Variants in GALNTL6 observed in about 807,000 individuals in gnomAD.
GALNTL6 encodes polypeptide N-acetylgalactosaminyltransferase like 6.
In GALNTL6, 46 loss-of-function variants were observed where a neutral mutation model predicts 73.7. The observed-to-expected ratio is 0.62, with a 90% CI of 0.49 to 0.80. The LOEUF is 0.80. Ranked by LOEUF, GALNTL6 falls within the 30% of genes least tolerant of loss-of-function variation. The pLI is 0.00. For missense variants in GALNTL6, 604 were observed against 755.0 expected, an observed-to-expected ratio of 0.80 and a Z score of 2.34; for synonymous variants, 259 against 263.7, an observed-to-expected ratio of 0.98 and a Z score of 0.17.
intron 3 of GALNTL6, among the ~76,000 whole-genome samples, chr4:172,294,387 A>C (rs533894098): frequency 6.6e-6 from 1 of 152,282 alleles, no homozygotes; most frequent in East Asian, 1.9e-4. Flanking sequence ...TCAGTCCATG[A>C]CATTCTGACA....
chr4:171,859,779 G>A (rs908610954), intron 2 of GALNTL6, among the ~76,000 whole-genome samples: 1 of 152,140 alleles, frequency 6.6e-6, no homozygotes, highest in Non-Finnish European at 1.5e-5. Flanking sequence ...TAAGCATGTA[G>A]TGACTGCATG....
chr4:172,132,762 T>C (rs1375786148), intron 2 of GALNTL6, among the ~76,000 whole-genome samples: 1 of 152,180 alleles, frequency 6.6e-6, no homozygotes, highest in Non-Finnish European at 1.5e-5. Flanking sequence ...TAAACATCTA[T>C]CTAAAAATGT....
intron 9 of GALNTL6, among the ~76,000 whole-genome samples, chr4:172,934,059 T>C (rs1748485454): frequency 6.6e-6 from 1 of 152,210 alleles, no homozygotes; most frequent in Admixed American, 6.5e-5. Flanking sequence ...TCTATTTACC[T>C]GGCATTAGAA....
At chr4:172,417,976 C>T (rs1463448164) in intron 5 of GALNTL6, among the ~76,000 whole-genome samples, 3 of 152,052 alleles carry the variant, frequency 2.0e-5, no homozygotes, top group African/African-American at 7.2e-5. Flanking sequence ...TTTATAATAC[C>T]TCTATGACTT....
intron 2 of GALNTL6, among the ~76,000 whole-genome samples, chr4:172,085,729 T>A (rs1481713137): frequency 6.6e-6 from 1 of 151,822 alleles, no homozygotes; most frequent in Non-Finnish European, 1.5e-5. Flanking sequence ...ATTTTGTAAA[T>A]GTTTGTATAA....
intron 5 of GALNTL6, among the ~76,000 whole-genome samples, chr4:172,543,737 G>A (rs930135729): frequency 2.0e-5 from 3 of 152,140 alleles, no homozygotes; most frequent in South Asian, 2.1e-4. Context: ...TTGCCCTTCC[G>A]CTATCTGTAC....
chr4:172,782,834 A>G (rs1436347141), intron 5 of GALNTL6, among the ~76,000 whole-genome samples: 3 of 152,122 alleles, frequency 2.0e-5, no homozygotes, highest in East Asian at 3.9e-4. Flanking sequence ...CTGTGTGCTT[A>G]ATGAGAAAGA....
intron 5 of GALNTL6, among the ~76,000 whole-genome samples, chr4:172,538,064 G>A (rs1267589174): frequency 1.3e-5 from 2 of 151,986 alleles, no homozygotes; most frequent in Non-Finnish European, 2.9e-5. Flanking sequence ...GATGAGAGTA[G>A]AAAAAATATG....
Position 172,347,551 on chromosome 4 carries a change from G to A in GALNTL6, c.387-972G>A, listed in dbSNP as rs892588995. Among the ~76,000 whole-genome samples, 19 of 152,062 alleles carry A rather than the reference G, an allele frequency of 1.2e-4. 1 individual carries two copies. The highest frequency in any genetic ancestry group is 1.9e-4 in the East Asian group (1 of 5,174). ...AATGGCTCTGCATAATTATGACCAG[G>A]TATGCTGAATTTCATTAACACTATT... is the stretch of plus-strand genomic sequence containing the variant. On this transcript the variant is annotated intron_variant, in intron 4 of 12. Transcript: ENST00000506823.
At chr4:172,286,382 G>C (rs1032425288) in intron 3 of GALNTL6, among the ~76,000 whole-genome samples, 2 of 152,138 alleles carry the variant, frequency 1.3e-5, no homozygotes, top group African/African-American at 4.8e-5. Flanking sequence ...AATCTAAACT[G>C]AGAACTGAAG....
intron 10 of GALNTL6, among the ~76,000 whole-genome samples, chr4:172,967,771 G>A (rs926669593): frequency 5.9e-5 from 9 of 152,082 alleles, no homozygotes; most frequent in South Asian, 2.1e-4. Flanking sequence ...ACATAGGTAC[G>A]TATGCATAAG....
intron 5 of GALNTL6, among the ~76,000 whole-genome samples, chr4:172,763,195 G>GAA (rs368514530): frequency 5.0e-5 from 7 of 139,184 alleles, no homozygotes; most frequent in South Asian, 2.3e-4. Flanking sequence ...GCCATGAATT[G>GAA]AAAAAAAAAA....
chr4:172,159,032 C>A (rs1015061261), intron 2 of GALNTL6, among the ~76,000 whole-genome samples: 7 of 152,040 alleles, frequency 4.6e-5, no homozygotes, highest in African/African-American at 1.7e-4. Flanking sequence ...TTGGAAATTG[C>A]CATAGAAGTT....
chr4:172,444,170 C>T (rs185370316), intron 5 of GALNTL6, among the ~76,000 whole-genome samples: 44 of 152,214 alleles, frequency 2.9e-4, no homozygotes, highest in African/African-American at 9.4e-4. Flanking sequence ...AGTGCTTGGG[C>T]GTAATTTGTG....
chr4:172,683,661 A>C (rs187447955), intron 5 of GALNTL6, among the ~76,000 whole-genome samples: 1 of 152,346 alleles, frequency 6.6e-6, no homozygotes, highest in East Asian at 1.9e-4. Context: ...TATTGCAGTC[A>C]GAAATGTAAA....
chr4:172,169,370 T>C (rs1040166802), intron 2 of GALNTL6, among the ~76,000 whole-genome samples: 5 of 152,240 alleles, frequency 3.3e-5, no homozygotes, highest in African/African-American at 1.2e-4. Flanking sequence ...TAAGGTCTCT[T>C]TCATTTCTAT....
At chr4:172,141,072 A>G (rs1323951263) in intron 2 of GALNTL6, among the ~76,000 whole-genome samples, 1 of 152,062 alleles carries the variant, frequency 6.6e-6, no homozygotes, top group East Asian at 1.9e-4. Flanking sequence ...CCCTTTATGT[A>G]AATTAAATTA....
chr4:172,830,422 CT>C (rs1742560535), intron 7 of GALNTL6, among the ~76,000 whole-genome samples: 1 of 66,470 alleles, frequency 1.5e-5, no homozygotes. Flanking sequence ...TTTACTCAAA[CT>C]TTTGTTTGTG....
intron 2 of GALNTL6, among the ~76,000 whole-genome samples, chr4:171,938,948 T>C (rs943176820): frequency 3.3e-5 from 5 of 152,128 alleles, no homozygotes; most frequent in Non-Finnish European, 5.9e-5. Context: ...GTTTACTGGT[T>C]TATAAAGATA....
Sources: gnomAD v4.1 joint callset for allele counts (sites outside exome capture counted in the v4.1 genomes callset) on GRCh38, gnomAD v4.1.1 for gene constraint, MANE v1.5 for transcripts, NCBI Gene and HGNC (gene_info 2026-07-23, HGNC 2026-07-21) for gene names.